The following BANK1 variants were observed in gnomAD, a reference collection of about 807,000 sequenced individuals.
The protein encoded by BANK1 is B-cell scaffold protein with ankyrin repeats.
A neutral mutation model predicts 94.5 loss-of-function variants in BANK1; 95 were observed. The observed-to-expected ratio is 1.00, with a 90% CI of 0.85 to 1.19. The LOEUF is 1.19. Ranked by LOEUF, BANK1 falls within the 50% of genes most tolerant of loss-of-function variation. The pLI is 0.00. For synonymous variants in BANK1, 334 were observed against 308.4 expected, an observed-to-expected ratio of 1.08 and a Z score of -0.87; for missense variants, 987 against 932.2, an observed-to-expected ratio of 1.06 and a Z score of -0.77.
At chr4:101,988,793 T>G (rs1465969017) in intron 7 of BANK1, among the ~76,000 whole-genome samples, 1 of 152,158 alleles carries the variant, frequency 6.6e-6, no homozygotes, top group Non-Finnish European at 1.5e-5. Context: ...GAAAACAGCA[T>G]GGTACATAAA....
At chr4:101,889,047 G>A (rs1721738106) in intron 5 of BANK1, among the ~76,000 whole-genome samples, 1 of 152,046 alleles carries the variant, frequency 6.6e-6, no homozygotes, top group Admixed American at 6.6e-5. Flanking sequence ...AATATTTGGG[G>A]GGATCGTTAG....
intron 2 of BANK1, among the ~76,000 whole-genome samples, chr4:101,837,377 A>T (rs1726868484): frequency 1.3e-5 from 2 of 152,216 alleles, no homozygotes; most frequent in African/African-American, 4.8e-5. Flanking sequence ...TTATAACTTC[A>T]GAATTCCAAT....
In BANK1 at chr4:101,948,048, G is replaced by A. The variant is rs74913048; in HGVS notation, c.1206+29859G>A. Among the ~76,000 whole-genome samples, 854 of 152,052 alleles carry A rather than the reference G, an allele frequency of 5.6e-3. 15 individuals carry two copies. In the East Asian group the frequency reaches 0.057, roughly 10 times the overall value. ...TAATCACAACTATTGTAATTCTATT[G>A]TTAATTTTGACACTGCAATTTAACA... On this transcript the variant is annotated intron_variant, in intron 7 of 16. Transcript: ENST00000322953.
chr4:102,033,981 T>C (rs193235488), intron 10 of BANK1, among the ~76,000 whole-genome samples: 2 of 152,322 alleles, frequency 1.3e-5, no homozygotes, highest in East Asian at 3.9e-4. Flanking sequence ...GCTAATTCAT[T>C]CTTGGTGTTC....
At position 101,814,525 on chromosome 4, in the gene BANK1, T is replaced by C. The variant is rs535682516; in HGVS notation, c.71-15283T>C. ...TGGTGAAACTAAAGTTATTCTCTTT[T>C]TAATCTGATCAGCTGGTCATATGCT... On this transcript the variant is annotated intron_variant, in intron 1 of 16. Coordinates refer to ENST00000322953, the MANE Select transcript of BANK1 (RefSeq NM_017935.5). Among the ~76,000 whole-genome samples, 17 of 152,332 alleles carry C rather than the reference T, an allele frequency of 1.1e-4. No homozygotes were observed. In the East Asian group the frequency reaches 3.3e-3, roughly 29 times the overall value.
chr4:101,800,843 C>T (rs534259935), intron 1 of BANK1, among the ~76,000 whole-genome samples: 4 of 152,268 alleles, frequency 2.6e-5, no homozygotes, highest in African/African-American at 9.6e-5. Flanking sequence ...CTGCAAACTC[C>T]ACCTCCTGGG....
At chr4:101,864,738 A>C (rs1194393411) in intron 4 of BANK1, among the ~76,000 whole-genome samples, 2 of 152,230 alleles carry the variant, frequency 1.3e-5, no homozygotes, top group Non-Finnish European at 2.9e-5. Context: ...TTTTATGCTT[A>C]GGTTCAACGA....
intron 10 of BANK1, among the ~76,000 whole-genome samples, chr4:102,037,798 C>T (rs1042409105): frequency 6.6e-6 from 1 of 152,128 alleles, no homozygotes; most frequent in Non-Finnish European, 1.5e-5. Context: ...TGTACAGTGG[C>T]CTGCACAGGG....
chr4:102,033,381 G>T (rs954319448), intron 10 of BANK1, among the ~76,000 whole-genome samples: 1 of 152,084 alleles, frequency 6.6e-6, no homozygotes, highest in Non-Finnish European at 1.5e-5. Flanking sequence ...AAGTACATTT[G>T]GATGGTTTTC....
intron 5 of BANK1, among the ~76,000 whole-genome samples, chr4:101,875,475 A>T (rs1009968688): frequency 6.6e-6 from 1 of 152,134 alleles, no homozygotes; most frequent in Admixed American, 6.6e-5. Flanking sequence ...AGCAAGGTAC[A>T]TTTTACATGT....
intron 1 of BANK1, among the ~76,000 whole-genome samples, chr4:101,817,298 A>G (rs767497081): frequency 6.6e-6 from 1 of 152,176 alleles, no homozygotes; most frequent in Non-Finnish European, 1.5e-5. Flanking sequence ...TCAATGATAG[A>G]CTGGATAAAG....
chr4:101,821,158 C>T (rs556294650), intron 1 of BANK1, among the ~76,000 whole-genome samples: 23 of 152,188 alleles, frequency 1.5e-4, no homozygotes, highest in African/African-American at 4.1e-4. Context: ...TGATGTGAGA[C>T]GATATCTCAT....
At chr4:101,983,673 A>G (rs986231220) in intron 7 of BANK1, among the ~76,000 whole-genome samples, 21 of 152,178 alleles carry the variant, frequency 1.4e-4, no homozygotes, top group African/African-American at 5.1e-4. Context: ...AAACAAATGG[A>G]CCTGATTAAA....
chr4:102,066,980 A>C (rs1462003572), intron 13 of BANK1, among the ~76,000 whole-genome samples: 1 of 152,144 alleles, frequency 6.6e-6, no homozygotes, highest in Non-Finnish European at 1.5e-5. Context: ...GGTAAAGTTT[A>C]AAGATTCAGT....
chr4:101,917,997 T>G lies in BANK1; in HGVS notation c.1014T>G (p.Thr338=). ...QTEICSQNKY[T]HFKELPTLLH... is the part of the protein sequence containing the mutation. ...TACTACTTCTTATGCTTACAGATAC[T>G]CATTTCAAAGAACTTCCAACTCTTC... Residue 338 remains threonine, a synonymous_variant, in exon 7 of 17, where the codon ACT becomes ACG. Coordinates refer to ENST00000322953, the MANE Select transcript of BANK1 (RefSeq NM_017935.5). The G allele has an allele frequency of 6.2e-7, 1 of 1,602,352 alleles. No homozygotes were observed. The highest frequency in any genetic ancestry group is 1.3e-5 in the African/African-American group (1 of 74,726).
chr4:101,864,489 T>C (rs185985138), intron 4 of BANK1, among the ~76,000 whole-genome samples: 172 of 152,292 alleles, frequency 1.1e-3, no homozygotes, highest in African/African-American at 3.9e-3. Context: ...AGCCCATTTT[T>C]ACAAGAAAAA....
chr4:101,865,961 G>A (rs1042069489), intron 4 of BANK1, among the ~76,000 whole-genome samples: 1 of 151,948 alleles, frequency 6.6e-6, no homozygotes, highest in African/African-American at 2.4e-5. Flanking sequence ...ACTCCTAAAC[G>A]GATTCCTATA....
In BANK1 at chr4:101,840,257, C is replaced by T. The variant is rs568793611; in HGVS notation, c.469+10051C>T. The stretch of plus-strand genomic sequence containing the variant: ...TGCTGGCATCACAGGCGTGAGCCAC[C>T]GCGCCCGGCCAAATATTTAATTTTA... On this transcript the variant is annotated intron_variant, in intron 2 of 16. Coordinates refer to ENST00000322953, the MANE Select transcript of BANK1 (RefSeq NM_017935.5). 2.5e-3 allele frequency among the ~76,000 whole-genome samples: 378 copies of T among 151,930 alleles called. 1 individual carries two copies. The highest frequency in any genetic ancestry group is 3.9e-3 in the Non-Finnish European group (267 of 67,978).
rs183284288 is a variant in BANK1 at position 101,976,604 on chromosome 4, C to T, written c.1207-44910C>T. On this transcript the variant is annotated intron_variant, in intron 7 of 16. Transcript: ENST00000322953. ...ATAAAGAGTCCAGGTTTGCTCCCTT[C>T]ACATGCCAGATAAACATCATATTTT... Among the ~76,000 whole-genome samples the T allele has an allele frequency of 4.2e-3, 645 of 152,248 alleles. 8 individuals are homozygous for T. Among genetic ancestry groups the T allele is most frequent in the African/African-American group, 0.015 (633 of 41,564 alleles).
Sources: gnomAD v4.1 joint callset for allele counts (sites outside exome capture counted in the v4.1 genomes callset) on GRCh38, gnomAD v4.1.1 for gene constraint, MANE v1.5 for transcripts, NCBI Gene and HGNC (gene_info 2026-07-23, HGNC 2026-07-21) for gene names.